The following ATP10B variants were observed in gnomAD, a reference collection of about 807,000 sequenced individuals.
The protein encoded by ATP10B is phospholipid-transporting ATPase VB.
A neutral mutation model predicts 141.2 loss-of-function variants in ATP10B; 122 were observed. The observed-to-expected ratio is 0.86, with a 90% confidence interval of 0.75 to 1.00. ATP10B has a LOEUF of 1.00. Ranked by LOEUF, ATP10B falls within the 50% of genes least tolerant of loss-of-function variation. The pLI, the probability that ATP10B is intolerant of heterozygous loss-of-function variation, is 0.00. For missense variants in ATP10B, 1,876 were observed against 1,825.3 expected (o/e 1.03, Z -0.51); for synonymous variants, 685 against 692.0 (o/e 0.99, Z 0.16).
chr5:160,903,483 CCA>C, the ATP10B span, among the ~76,000 whole-genome samples: 1 of 152,160 alleles, frequency 6.6e-6, no homozygotes, highest in Non-Finnish European at 1.5e-5. Context: ...AGGATCAGAG[CCA>C]CAGAGCATTT....
chr5:160,917,269 C>CTTTTTT, the ATP10B span, among the ~76,000 whole-genome samples: 3 of 127,664 alleles, frequency 2.3e-5, 1 homozygote, highest in South Asian at 5.1e-4. Context: ...TAGGGTACTT[C>CTTTTTT]TTTTTTTTTT....
At chr5:160,670,928 AGGCCGAGGTGGGT>A (rs1277403048) in intron 6 of ATP10B, among the ~76,000 whole-genome samples, 1 of 152,042 alleles carries the variant, frequency 6.6e-6, no homozygotes, top group African/African-American at 2.4e-5. Context: ...GCACTTTGGG[AGGCCGAGGTGGGT>A]GGATCATGAG....
At chr5:160,588,713 C>T (rs1459117504) in intron 24 of ATP10B, among the ~76,000 whole-genome samples, 1 of 152,134 alleles carries the variant, frequency 6.6e-6, no homozygotes, top group Non-Finnish European at 1.5e-5. Context: ...AAACACCTAA[C>T]ACAAAGGGCT....
At chr5:160,829,916 C>T (rs1277758888) in intron 1 of ATP10B, among the ~76,000 whole-genome samples, 1 of 152,120 alleles carries the variant, frequency 6.6e-6, no homozygotes, top group African/African-American at 2.4e-5. Flanking sequence ...AATTTGACTT[C>T]TTCCTTTCCT....
At chr5:160,571,826 C>T (rs371697172) in intron 24 of ATP10B, among the ~76,000 whole-genome samples, 1 of 152,174 alleles carries the variant, frequency 6.6e-6, no homozygotes, top group South Asian at 2.1e-4. Context: ...TCTGTGGTCA[C>T]AATTTCCCCA....
intron 1 of ATP10B, among the ~76,000 whole-genome samples, chr5:160,798,488 G>A (rs1772119074): frequency 6.6e-6 from 1 of 152,120 alleles, no homozygotes; most frequent in Non-Finnish European, 1.5e-5. Flanking sequence ...CAGAGGTAGA[G>A]GTTGGAGTTA....
intron 17 of ATP10B, among the ~76,000 whole-genome samples, chr5:160,615,328 A>G (rs963368847): frequency 6.6e-6 from 1 of 151,464 alleles, no homozygotes; most frequent in Admixed American, 6.6e-5. Context: ...CTGCCTTCCT[A>G]GACCCTCCCT....
intron 2 of ATP10B, among the ~76,000 whole-genome samples, chr5:160,767,770 C>T (rs571551931): frequency 2.0e-5 from 3 of 151,888 alleles, no homozygotes; most frequent in Admixed American, 6.6e-5. Flanking sequence ...CTGGTGACTG[C>T]GGCTATGTCT....
rs1435556220 is a variant in ATP10B at position 160,850,138 on chromosome 5, G to A, written c.-576+1803C>T. ...GTAGAAGCAACACTGGGCCAGGTGC[G>A]GTGCTTACGCTTGTAATCCCAGCAC... On this transcript the variant is annotated intron_variant, in intron 1 of 25. Coordinates refer to ENST00000327245, the MANE Select transcript of ATP10B (RefSeq NM_025153.3). Among the ~76,000 whole-genome samples, 10 of 152,166 alleles carry A rather than the reference G, an allele frequency of 6.6e-5. No individual in the cohort carries two copies. The East Asian group carries it at 9.7e-4, about 15-fold the overall frequency.
chr5:160,868,783 G>T, the ATP10B span, among the ~76,000 whole-genome samples: 9 of 152,216 alleles, frequency 5.9e-5, no homozygotes, highest in East Asian at 1.7e-3. Context: ...TTTGATAGGA[G>T]GGTCCTGGAA....
At chr5:160,769,285 C>T (rs1253470090) in intron 2 of ATP10B, among the ~76,000 whole-genome samples, 1 of 152,176 alleles carries the variant, frequency 6.6e-6, no homozygotes, top group East Asian at 1.9e-4. Flanking sequence ...TGTCTTCTGA[C>T]TGTGTTTATT....
chr5:160,709,594 ATTTTT>A (rs1194308004), intron 3 of ATP10B, among the ~76,000 whole-genome samples: 2 of 129,196 alleles, frequency 1.5e-5, no homozygotes, highest in Non-Finnish European at 1.7e-5. Context: ...TCATAAACAA[ATTTTT>A]TTTTTTTAAT....
intron 7 of ATP10B, among the ~76,000 whole-genome samples, chr5:160,652,973 AATATATACATACATATTTATATTT>A (rs1363314409): frequency 1.1e-5 from 1 of 91,364 alleles, no homozygotes; most frequent in Non-Finnish European, 1.9e-5. Context: ...ATGTATATAT[AATATATACATACATATTTATATTT>A]ATATATTATA....
At chr5:160,615,584 G>C (rs1023647655) in intron 17 of ATP10B, among the ~76,000 whole-genome samples, 1 of 151,840 alleles carries the variant, frequency 6.6e-6, no homozygotes, top group African/African-American at 2.4e-5. Context: ...AGAGTGTGCT[G>C]TTGGAAAAGC....
At chr5:160,613,565 A>C (rs903667139) in intron 17 of ATP10B, among the ~76,000 whole-genome samples, 4 of 152,242 alleles carry the variant, frequency 2.6e-5, no homozygotes, top group Admixed American at 2.6e-4. Context: ...CAGAACTAAA[A>C]GCTACTTAGG....
chr5:160,837,206 C>T (rs1775499669), intron 1 of ATP10B, among the ~76,000 whole-genome samples: 1 of 152,094 alleles, frequency 6.6e-6, no homozygotes, highest in South Asian at 2.1e-4. Flanking sequence ...CTAGAAAGGT[C>T]TTAAAAGCAG....
chr5:160,649,312 G>A (rs1760535336), intron 7 of ATP10B, 56 bp from the exon 8 acceptor site: 1 of 1,232,600 alleles, frequency 8.1e-7, no homozygotes. Flanking sequence ...AGTTTTAATA[G>A]GATCACTGGG....
At chr5:160,572,221 ATT>A (rs1295391369) in intron 24 of ATP10B, among the ~76,000 whole-genome samples, 1 of 150,886 alleles carries the variant, frequency 6.6e-6, no homozygotes, top group Non-Finnish European at 1.5e-5. Flanking sequence ...GTTATCCAGT[ATT>A]TTTTGTTGTT....
At chr5:160,695,051 C>T (rs779516943) in intron 3 of ATP10B, among the ~76,000 whole-genome samples, 2 of 152,100 alleles carry the variant, frequency 1.3e-5, no homozygotes, top group Non-Finnish European at 2.9e-5. Flanking sequence ...AAAATGATTT[C>T]GTCATTTCAA....
Sources: allele counts gnomAD v4.1 joint callset (sites outside exome capture counted in the v4.1 genomes callset), GRCh38; gene constraint gnomAD v4.1.1; transcripts MANE v1.5; gene names NCBI Gene and HGNC (gene_info 2026-07-23, HGNC 2026-07-21).